Variants in PTPRR observed in about 807,000 individuals in gnomAD.
The protein encoded by PTPRR is receptor-type tyrosine-protein phosphatase R.
A neutral mutation model predicts 77.2 loss-of-function variants in PTPRR; 38 were observed. The observed-to-expected ratio is 0.49, with a 90% CI of 0.38 to 0.65. The LOEUF is 0.65. Ranked by LOEUF, PTPRR falls within the 30% of genes least tolerant of loss-of-function variation. The probability of loss-of-function intolerance (pLI) is 0.00; values close to 1 mark genes in which losing one functional copy is unlikely to be tolerated. For missense variants in PTPRR, 744 were observed against 799.2 expected (o/e 0.93, Z 0.83); for synonymous variants, 299 against 283.1 (o/e 1.06, Z -0.57).
At chr12:70,656,671 A>G (rs188913213) in intron 13 of PTPRR, 33 bp downstream of exon 13, 1 of 1,450,836 alleles carries the variant, frequency 6.9e-7, no homozygotes, top group East Asian at 2.3e-5. Context: ...GAATGAAAAC[A>G]GTGCTCTGAA....
chr12:70,719,536 CAA>C (rs3970923), intron 6 of PTPRR, among the ~76,000 whole-genome samples: 66,194 of 150,494 alleles, frequency 0.44, 16,848 homozygotes, highest in Non-Finnish European at 0.55. Context: ...AGCAAAAGGG[CAA>C]AAAAAAAAAT....
intron 1 of PTPRR, among the ~76,000 whole-genome samples, chr12:70,917,680 CT>C (rs1893795320): frequency 1.3e-5 from 2 of 152,204 alleles, no homozygotes; most frequent in African/African-American, 4.8e-5. Flanking sequence ...TCATAATCTT[CT>C]TTTTCCCCCC....
At chr12:70,917,332 G>C (rs1893789946) in intron 1 of PTPRR, among the ~76,000 whole-genome samples, 1 of 152,130 alleles carries the variant, frequency 6.6e-6, no homozygotes, top group Non-Finnish European at 1.5e-5. Flanking sequence ...TGTAGAACCA[G>C]TGTATAATTT....
intron 2 of PTPRR, among the ~76,000 whole-genome samples, chr12:70,805,742 A>G (rs888395000): frequency 6.6e-6 from 1 of 152,192 alleles, no homozygotes; most frequent in South Asian, 2.1e-4. Context: ...GGTAGATAAT[A>G]TTATTATTCC....
intron 2 of PTPRR, among the ~76,000 whole-genome samples, chr12:70,789,703 G>T (rs1209759944): frequency 6.6e-6 from 1 of 151,992 alleles, no homozygotes; most frequent in African/African-American, 2.4e-5. Context: ...ATAGAAAAAG[G>T]GTAGTTGAAA....
intron 2 of PTPRR, among the ~76,000 whole-genome samples, chr12:70,770,505 AAAC>A (rs1426005550): frequency 6.6e-6 from 1 of 152,144 alleles, no homozygotes; most frequent in Non-Finnish European, 1.5e-5. Context: ...AAAAGTCAGG[AAAC>A]AACAGGTGCT....
chr12:70,905,035 A>G (rs1449549986), intron 1 of PTPRR, among the ~76,000 whole-genome samples: 3 of 151,724 alleles, frequency 2.0e-5, no homozygotes, highest in Admixed American at 2.0e-4. Context: ...GTGATCAGAC[A>G]TAAGAGAATG....
At chr12:70,870,000 A>C (rs1229373955) in intron 2 of PTPRR, among the ~76,000 whole-genome samples, 1 of 152,196 alleles carries the variant, frequency 6.6e-6, no homozygotes, top group African/African-American at 2.4e-5. Context: ...TTCTGGTCAG[A>C]GAGAAGGCTG....
rs756281417 is a variant in PTPRR, at chr12:70,746,056, G to C, written c.769C>G (p.Leu257Val). The C allele has an allele frequency of 6.2e-7, 1 of 1,612,750 alleles. No individual in the cohort carries two copies. Residue 257 changes from leucine (L) to valine (V), a missense_variant, in exon 6 of 14, where the codon CTT (leucine) becomes GTT (valine). Transcript: ENST00000283228. ...TTCTCTTTGTCTTGTCTTAAGGAAA[G>C]CTGAAATCTTTCTTTTAATCTGTAA... ...ILYRLKERFQ[L>V]SLRQDKEKNQ...
At chr12:70,849,565 T>A (rs1196331598) in intron 2 of PTPRR, among the ~76,000 whole-genome samples, 26 of 152,222 alleles carry the variant, frequency 1.7e-4, no homozygotes, top group Non-Finnish European at 1.2e-4. Context: ...ATCTGGTGGA[T>A]GAAATAAGCA....
chr12:70,874,560 A>C (rs964956962), intron 2 of PTPRR, among the ~76,000 whole-genome samples: 7 of 152,208 alleles, frequency 4.6e-5, no homozygotes, highest in Non-Finnish European at 1.0e-4. Flanking sequence ...GATACTCCAG[A>C]AATTATTGGT....
Position 70,638,198 on chromosome 12 carries a change from C to G in PTPRR, c.*986G>C, listed in dbSNP as rs1306985602. On this transcript the variant is annotated 3_prime_UTR_variant, in exon 14 of 14. Transcript: ENST00000283228. ...GTAGTTATTTTAATTTTTTTTGTCT[C>G]TTGAAGATTGAAAGCTTTCAGAAAT... 5 of 152,330 alleles carry G rather than the reference C, an allele frequency of 3.3e-5. No homozygotes were observed. 9.4% of individuals were successfully genotyped at this position (152,330 alleles called of 1,614,324 possible).
intron 2 of PTPRR, among the ~76,000 whole-genome samples, chr12:70,813,104 C>T (rs927161401): frequency 2.0e-5 from 3 of 152,192 alleles, no homozygotes; most frequent in South Asian, 2.1e-4. Context: ...AATATGTGAT[C>T]GCTTAACTTT....
intron 6 of PTPRR, among the ~76,000 whole-genome samples, chr12:70,734,586 T>G (rs1889798809): frequency 6.6e-6 from 1 of 151,992 alleles, no homozygotes; most frequent in Non-Finnish European, 1.5e-5. Context: ...AGGGGTGGTC[T>G]GGGGGCAGAT....
chr12:70,717,250 A>C (rs1343284373), intron 6 of PTPRR, among the ~76,000 whole-genome samples: 5 of 152,174 alleles, frequency 3.3e-5, no homozygotes, highest in African/African-American at 9.7e-5. Context: ...TGTTTCTGTG[A>C]ATGACATAAT....
Position 70,764,667 on chromosome 12 carries a change from T to C in PTPRR, c.469A>G (p.Ile157Val), listed in dbSNP as rs201200431. 13 of 1,609,190 alleles carry C rather than the reference T, an allele frequency of 8.1e-6. No homozygotes were observed. Among genetic ancestry groups the C allele is most frequent in the Middle Eastern group, 1.6e-4 (1 of 6,072 alleles). The change falls in exon 3 of 14, where the codon ATT (isoleucine) becomes GTT (valine). Residue 157 changes from isoleucine (I) to valine (V), a missense_variant and splice_region_variant. Ile to Val is a conservative substitution (Grantham distance 29, BLOSUM62 3). Transcript: ENST00000283228. Reference sequence around the variant, plus strand: ...AATGCGAAATGTGGGTATCTTACAATGAGGCGATTGATGTGCACTTGCTGG... The same window carrying C: ...AATGCGAAATGTGGGTATCTTACAACGAGGCGATTGATGTGCACTTGCTGG... Reference protein sequence around the residue: ...LPQQVHINRLIGKKNSIELFV... With the variant: ...LPQQVHINRLVGKKNSIELFV...
intron 2 of PTPRR, among the ~76,000 whole-genome samples, chr12:70,784,617 C>T (rs1418625800): frequency 6.6e-6 from 1 of 152,244 alleles, no homozygotes; most frequent in Non-Finnish European, 1.5e-5. Flanking sequence ...ATGATGGCAG[C>T]AGCCGCACCA....
chr12:70,854,585 C>T (rs1428615993), intron 2 of PTPRR, among the ~76,000 whole-genome samples: 1 of 152,222 alleles, frequency 6.6e-6, no homozygotes, highest in East Asian at 1.9e-4. Flanking sequence ...CTTTGACCTC[C>T]TCTGATGCTA....
At chr12:70,904,614 G>A (rs754280122) in intron 1 of PTPRR, among the ~76,000 whole-genome samples, 1 of 151,824 alleles carries the variant, frequency 6.6e-6, no homozygotes, top group Non-Finnish European at 1.5e-5. Flanking sequence ...TTGTGGTTGT[G>A]ATGACATGAA....
Sources: allele counts gnomAD v4.1 joint callset (sites outside exome capture counted in the v4.1 genomes callset), GRCh38; gene constraint gnomAD v4.1.1; transcripts MANE v1.5; gene names NCBI Gene and HGNC (gene_info 2026-07-23, HGNC 2026-07-21).